CTNNBL1: variants seen among roughly 807,000 people sequenced by gnomAD.
The protein encoded by CTNNBL1 is catenin beta like 1, also known as beta-catenin-like protein 1.
CTNNBL1 carries 31 observed loss-of-function variants against 72.7 expected under a neutral mutation model. That is an observed-to-expected ratio of 0.43 (90% CI 0.32 to 0.58). The LOEUF is 0.58. CTNNBL1 is among the 20% of genes least tolerant of loss of function. The probability of loss-of-function intolerance (pLI) is 0.08; values close to 1 mark genes in which losing one functional copy is unlikely to be tolerated. For synonymous variants in CTNNBL1, 240 were observed against 267.3 expected (o/e 0.90, Z 1.00); for missense variants, 534 against 725.1 (o/e 0.74, Z 3.03).
chr20:37,799,916 G>A (rs1405009111), intron 10 of CTNNBL1, among the ~76,000 whole-genome samples: 2 of 152,190 alleles, frequency 1.3e-5, no homozygotes, highest in Non-Finnish European at 2.9e-5. Flanking sequence ...CAGTGGAACA[G>A]TCCTAAGTAA....
chr20:37,713,518 C>T (rs970361986), intron 1 of CTNNBL1, among the ~76,000 whole-genome samples: 2 of 152,114 alleles, frequency 1.3e-5, no homozygotes, highest in Non-Finnish European at 2.9e-5. Context: ...CACCTCTGAC[C>T]GTGTGAACTT....
At chr20:37,741,955 GCA>G (rs1295962467) in intron 3 of CTNNBL1, among the ~76,000 whole-genome samples, 1 of 151,996 alleles carries the variant, frequency 6.6e-6, no homozygotes, top group Non-Finnish European at 1.5e-5. Flanking sequence ...GAACTGAGAA[GCA>G]CAGTCTATTC....
At chr20:37,766,186 G>T (rs1474399281) in intron 6 of CTNNBL1, among the ~76,000 whole-genome samples, 1 of 152,184 alleles carries the variant, frequency 6.6e-6, no homozygotes, top group Non-Finnish European at 1.5e-5. Flanking sequence ...TGTAATTTGG[G>T]TTGGCTGTAG....
rs548087050 is a variant in CTNNBL1 at position 37,831,466 on chromosome 20, C to T, written c.1214-8636C>T. On this transcript the variant is annotated intron_variant, in intron 11 of 15. Transcript: ENST00000361383. ...CTGTAAGCTCCACCTCCTGGGTTCA[C>T]GCCATTCTCCTGCCTCAGCCTCCTG... 6.6e-5 allele frequency among the ~76,000 whole-genome samples: 10 copies of T among 151,890 alleles called. No individual in the cohort carries two copies. In the East Asian group the frequency reaches 7.7e-4, roughly 12 times the overall value.
chr20:37,745,425 A>T lies in CTNNBL1; in HGVS notation c.327-1043A>T, dbSNP rs544680578. On this transcript the variant is annotated intron_variant, in intron 3 of 15. Transcript: ENST00000361383. ...TTACTTTCTAGAAGAGAAGACAGAC[A>T]TATTACAGTAATAGTAGCAGCAATA... Among the ~76,000 whole-genome samples, 448 of 152,360 alleles carry T rather than the reference A, an allele frequency of 2.9e-3. 2 individuals carry two copies. Among genetic ancestry groups the T allele is most frequent in the African/African-American group, 0.01 (429 of 41,586 alleles).
chr20:37,776,727 G>A (rs573617264), intron 7 of CTNNBL1, among the ~76,000 whole-genome samples: 1 of 152,306 alleles, frequency 6.6e-6, no homozygotes, highest in Non-Finnish European at 1.5e-5. Context: ...AGCGGGGAAA[G>A]AATTGTGGGT....
chr20:37,815,290 G>A (rs1008455031), intron 11 of CTNNBL1, among the ~76,000 whole-genome samples: 11 of 151,596 alleles, frequency 7.3e-5, no homozygotes, highest in African/African-American at 2.4e-4. Context: ...GGTGAGCTGG[G>A]CTTAGATGGT....
intron 13 of CTNNBL1, among the ~76,000 whole-genome samples, chr20:37,850,470 T>C (rs2072386686): frequency 6.6e-6 from 1 of 152,236 alleles, no homozygotes; most frequent in African/African-American, 2.4e-5. Flanking sequence ...GCCTGCAACA[T>C]GCGTATGTGC....
chr20:37,746,383 G>T, intron 3 of CTNNBL1, 85 bp from the exon 4 acceptor site: 1 of 1,444,934 alleles, frequency 6.9e-7, no homozygotes. Context: ...TTGACAGATT[G>T]CCTTGTTGTC....
chr20:37,854,056 A>G (rs1057089340), intron 13 of CTNNBL1, among the ~76,000 whole-genome samples: 1 of 152,252 alleles, frequency 6.6e-6, no homozygotes, highest in African/African-American at 2.4e-5. Context: ...TCTCAGATCT[A>G]CATTTGAAAA....
intron 10 of CTNNBL1, among the ~76,000 whole-genome samples, chr20:37,780,079 T>C (rs1251581150): frequency 1.3e-5 from 2 of 148,790 alleles, no homozygotes; most frequent in Admixed American, 6.7e-5. Flanking sequence ...AAAAAAAAAA[T>C]CGAGCATGTT....
At chr20:37,711,519 C>A (rs1423588263) in intron 1 of CTNNBL1, among the ~76,000 whole-genome samples, 1 of 150,078 alleles carries the variant, frequency 6.7e-6, no homozygotes, top group Non-Finnish European at 1.5e-5. Flanking sequence ...CTTTATGGAA[C>A]TTACATCCAG....
intron 1 of CTNNBL1, among the ~76,000 whole-genome samples, chr20:37,725,083 T>A (rs761056139): frequency 2.0e-5 from 3 of 152,056 alleles, no homozygotes; most frequent in Non-Finnish European, 4.4e-5. Context: ...TTTTTTAAAT[T>A]TTTTATAGAG....
chr20:37,814,601 T>C (rs2072038490), intron 11 of CTNNBL1, among the ~76,000 whole-genome samples: 1 of 152,216 alleles, frequency 6.6e-6, no homozygotes, highest in African/African-American at 2.4e-5. Context: ...ATGTAGTTTC[T>C]ACCTTGACTG....
chr20:37,809,054 C>T (rs1168334707), intron 11 of CTNNBL1, among the ~76,000 whole-genome samples: 2 of 151,238 alleles, frequency 1.3e-5, no homozygotes, highest in African/African-American at 4.8e-5. Flanking sequence ...AACTTCACTG[C>T]AACCTTAATA....
chr20:37,777,586 T>C, intron 8 of CTNNBL1, 68 bp from the exon 9 acceptor site: 1 of 1,487,346 alleles, frequency 6.7e-7, no homozygotes, highest in Non-Finnish European at 9.4e-7. Flanking sequence ...GATGTATCAG[T>C]GTTAGACGGC....
chr20:37,761,430 G>A (rs1024311548), intron 5 of CTNNBL1, among the ~76,000 whole-genome samples: 8 of 152,194 alleles, frequency 5.3e-5, no homozygotes, highest in African/African-American at 1.9e-4. Context: ...CCCAGGTGAG[G>A]CTGAGGTTGG....
intron 11 of CTNNBL1, among the ~76,000 whole-genome samples, chr20:37,811,011 T>C (rs2072007883): frequency 6.6e-6 from 1 of 152,204 alleles, no homozygotes; most frequent in Non-Finnish European, 1.5e-5. Flanking sequence ...CAGACCCTGT[T>C]TCATTAGTAT....
At chr20:37,805,589 G>T (rs2071951610) in intron 11 of CTNNBL1, among the ~76,000 whole-genome samples, 1 of 151,848 alleles carries the variant, frequency 6.6e-6, no homozygotes, top group Admixed American at 6.6e-5. Flanking sequence ...TAGAGATGGG[G>T]TTTCACCATG....
Sources: gnomAD v4.1 joint callset for allele counts (sites outside exome capture counted in the v4.1 genomes callset) on GRCh38, gnomAD v4.1.1 for gene constraint, MANE v1.5 for transcripts, NCBI Gene and HGNC (gene_info 2026-07-23, HGNC 2026-07-21) for gene names.